IDE: variants seen among roughly 807,000 people sequenced by gnomAD.
IDE encodes insulin degrading enzyme.
IDE carries 58 observed loss-of-function variants against 133.2 expected under a neutral mutation model. The ratio of observed to expected loss-of-function variants is 0.44; its 90% CI spans 0.35 to 0.54. The LOEUF is 0.54. Among genes scored for constraint, IDE ranks in the 20% least tolerant of loss-of-function variants. The pLI is 0.00. For missense variants in IDE, 981 were observed against 1,234.0 expected (o/e 0.79, Z 3.07); for synonymous variants, 396 against 421.3 (o/e 0.94, Z 0.73).
chr10:92,562,043 C>T (rs1452356463), intron 1 of IDE, among the ~76,000 whole-genome samples: 2 of 152,158 alleles, frequency 1.3e-5, no homozygotes, highest in Admixed American at 1.3e-4. Flanking sequence ...ATGCATGCCC[C>T]TTCTGAAAGA....
intron 2 of IDE, 131 bp downstream of exon 2, chr10:92,537,235 G>C: frequency 1.7e-6 from 1 of 604,406 alleles, no homozygotes; most frequent in Non-Finnish European, 2.7e-6. Flanking sequence ...CTTTACGAGG[G>C]TTCTGGTATA....
At chr10:92,570,920 T>A (rs1272380073) in intron 1 of IDE, among the ~76,000 whole-genome samples, 1 of 151,118 alleles carries the variant, frequency 6.6e-6, no homozygotes, top group African/African-American at 2.4e-5. Context: ...TGTCTCGAAC[T>A]TTAAAAAAAA....
chr10:92,468,956 G>T lies in IDE; in HGVS notation c.2243C>A (p.Thr748Asn). ...TTTGGTATGAGCATGTTCAATGAGG[G>T]TGTCTTCAACCATCTGCATAATTCC... ...ALGIMQMVED[T>N]LIEHAHTKPL... Residue 748 changes from threonine to asparagine, a missense_variant, in exon 19 of 25, where the codon ACC (threonine) becomes AAC (asparagine). Coordinates refer to ENST00000265986, the MANE Select transcript of IDE (RefSeq NM_004969.4). 3 of 1,611,982 alleles carry T rather than the reference G, an allele frequency of 1.9e-6. No homozygotes were observed. The highest frequency in any genetic ancestry group is 2.5e-6 in the Non-Finnish European group (3 of 1,178,062).
chr10:92,457,911 C>G (rs1009173467), intron 22 of IDE, among the ~76,000 whole-genome samples: 8 of 152,154 alleles, frequency 5.3e-5, no homozygotes, highest in Admixed American at 5.2e-4. Context: ...AGCCTCTTTC[C>G]AGGAACTCAG....
intron 1 of IDE, among the ~76,000 whole-genome samples, chr10:92,556,179 C>CA (rs60008680): frequency 0.15 from 10,388 of 69,182 alleles, 1,560 homozygotes; most frequent in African/African-American, 0.24. Flanking sequence ...GACTCCGTCT[C>CA]AAAAAAAAAA....
chr10:92,468,157 C>G lies in IDE; in HGVS notation c.2320+722G>C, dbSNP rs527424073. On this transcript the variant is annotated intron_variant, in intron 19 of 24. Coordinates refer to ENST00000265986, the MANE Select transcript of IDE (RefSeq NM_004969.4). ...AGGAGAAGTAGGATGTAGGCACTGG[C>G]CCATGAAGAAGAAGGGGGAAAGGAG... Among the ~76,000 whole-genome samples, 3 of 151,992 alleles carry G rather than the reference C, an allele frequency of 2.0e-5. No individual in the cohort carries two copies. The East Asian group carries it at 5.8e-4, about 29-fold the overall frequency.
rs192814932 is a variant in IDE at position 92,492,961 on chromosome 10, C to A, written c.1431-2366G>T. 4.9e-3 allele frequency among the ~76,000 whole-genome samples: 750 copies of A among 152,334 alleles called. 8 individuals carry two copies. The highest frequency in any genetic ancestry group is 0.017 in the African/African-American group (713 of 41,584). On this transcript the variant is annotated intron_variant, in intron 11 of 24. Coordinates refer to ENST00000265986, the MANE Select transcript of IDE (RefSeq NM_004969.4). Reference sequence around the variant, plus strand: ...TCACCTGTCAGTATGACCGACTAATCTTCCAGCTGTAGGTGTTCCTGATCT... The same window carrying A: ...TCACCTGTCAGTATGACCGACTAATATTCCAGCTGTAGGTGTTCCTGATCT...
intron 1 of IDE, among the ~76,000 whole-genome samples, chr10:92,540,168 G>T (rs563976338): frequency 6.6e-6 from 1 of 151,970 alleles, no homozygotes; most frequent in African/African-American, 2.4e-5. Context: ...GCTTGAACCC[G>T]GGAGGCAGAG....
chr10:92,520,214 C>T (rs539576349), intron 4 of IDE, among the ~76,000 whole-genome samples: 23 of 152,118 alleles, frequency 1.5e-4, no homozygotes, highest in African/African-American at 5.5e-4. Context: ...ATAATGGATG[C>T]GAAGAGGGGT....
intron 1 of IDE, among the ~76,000 whole-genome samples, chr10:92,546,602 G>C (rs765916941): frequency 6.6e-6 from 1 of 152,104 alleles, no homozygotes; most frequent in African/African-American, 2.4e-5. Context: ...GGTGTGTCTC[G>C]AGACAATTAT....
intron 4 of IDE, among the ~76,000 whole-genome samples, chr10:92,529,260 A>G (rs1704479784): frequency 6.6e-6 from 1 of 152,216 alleles, no homozygotes; most frequent in Non-Finnish European, 1.5e-5. Flanking sequence ...AGATAAGGGC[A>G]TACAACTGTC....
At chr10:92,509,997 A>T in intron 6 of IDE, 53 bp downstream of exon 6, 1 of 812,378 alleles carries the variant, frequency 1.2e-6, no homozygotes, top group Non-Finnish European at 2.1e-6. Flanking sequence ...TAAACTAGGT[A>T]TATATTATGT....
chr10:92,510,057 T>C lies in IDE; in HGVS notation c.890A>G (p.His297Arg). ...EFPEHPFQEE[H>R]LKQLYKIVPI... The stretch of plus-strand genomic sequence containing the variant: ...CAAAATTTATGCACTTACTTTAAGA[T>C]GTTCTTCTTGGAAAGGGTGTTCAGG... The change falls in exon 6 of 25, where the codon CAT (histidine) becomes CGT (arginine). Residue 297 changes from histidine to arginine, a missense_variant. His to Arg is a conservative substitution (Grantham distance 29). This residue lies in a region of IDE where 660 missense variants were observed against 894.7 expected (regional missense o/e 0.74). Coordinates refer to ENST00000265986, the MANE Select transcript of IDE (RefSeq NM_004969.4). 2 of 1,539,440 alleles carry C rather than the reference T, an allele frequency of 1.3e-6. No individual in the cohort carries two copies. The highest frequency in any genetic ancestry group is 1.8e-6 in the Non-Finnish European group (2 of 1,116,118).
chr10:92,517,346 G>C (rs1318807595), intron 4 of IDE, among the ~76,000 whole-genome samples: 1 of 152,132 alleles, frequency 6.6e-6, no homozygotes, highest in Non-Finnish European at 1.5e-5. Flanking sequence ...CCTTTTCCTA[G>C]TCACAAAGTA....
Position 92,531,829 on chromosome 10 carries a change from C to A in IDE, c.580G>T (p.Val194Leu). The A allele has an allele frequency of 1.2e-6, 2 of 1,608,736 alleles. No homozygotes were observed. Among genetic ancestry groups the A allele is most frequent in the Non-Finnish European group, 1.7e-6 (2 of 1,176,632 alleles). ...NAVDSEHEKN[V>L]MNDAWRLFQL... ...AAGAGTCTCCAGGCATCATTCATCACATTCTTCTCATGTTCTGAATCAACT... is the reference window on the plus strand; with the variant it reads ...AAGAGTCTCCAGGCATCATTCATCAAATTCTTCTCATGTTCTGAATCAACT... Residue 194 changes from valine to leucine, a missense_variant, in exon 4 of 25, where the codon GTG (valine) becomes TTG (leucine). Val to Leu is a conservative substitution (Grantham distance 32). Around this residue, in one of 2 missense-constraint regions of IDE, gnomAD observed 321 missense variants for 339.3 expected, o/e 0.95. Coordinates refer to ENST00000265986, the MANE Select transcript of IDE (RefSeq NM_004969.4).
intron 16 of IDE, among the ~76,000 whole-genome samples, chr10:92,475,643 C>T (rs1196204643): frequency 2.0e-5 from 3 of 152,018 alleles, no homozygotes; most frequent in Non-Finnish European, 4.4e-5. Context: ...AGCTGCAACT[C>T]TGAATTGCAG....
chr10:92,497,645 A>G, intron 11 of IDE: 1 of 710,744 alleles, frequency 1.4e-6, no homozygotes, highest in Non-Finnish European at 1.7e-6. Context: ...AACTTGTCTC[A>G]GCGGGTATTA....
intron 22 of IDE, among the ~76,000 whole-genome samples, chr10:92,460,471 C>T (rs992275547): frequency 3.3e-5 from 5 of 152,234 alleles, no homozygotes; most frequent in African/African-American, 1.2e-4. Flanking sequence ...AAAGGTAGAT[C>T]TGGAAGTCAG....
intron 1 of IDE, among the ~76,000 whole-genome samples, chr10:92,561,374 T>G (rs935174261): frequency 6.6e-6 from 1 of 152,208 alleles, no homozygotes; most frequent in East Asian, 1.9e-4. Flanking sequence ...CAACCTCCTA[T>G]AGTTGCCATA....
Sources: allele counts gnomAD v4.1 joint callset (sites outside exome capture counted in the v4.1 genomes callset), GRCh38; gene constraint gnomAD v4.1.1; regional missense constraint gnomAD v4.1.1; transcripts MANE v1.5; gene names NCBI Gene and HGNC (gene_info 2026-07-23, HGNC 2026-07-21).